C10orf67: variants seen among roughly 807,000 people sequenced by gnomAD.
The protein encoded by C10orf67 is uncharacterized protein C10orf67, mitochondrial.
A neutral mutation model predicts 35.6 loss-of-function variants in C10orf67; 60 were observed. That is an observed-to-expected ratio of 1.68 (90% confidence interval 1.37 to 2.09). C10orf67 has a LOEUF of 2.09. Among genes scored for constraint, C10orf67 ranks in the 30% most tolerant of loss-of-function variants. The pLI is 0.00. For synonymous variants in C10orf67, 167 were observed against 115.8 expected (o/e 1.44, Z -2.84); for missense variants, 474 against 330.2 (o/e 1.44, Z -3.38).
chr10:23,259,548 A>G (rs1335173092), intron 10 of C10orf67, among the ~76,000 whole-genome samples: 1 of 152,182 alleles, frequency 6.6e-6, no homozygotes, highest in African/African-American at 2.4e-5. Flanking sequence ...TATCGTTGGG[A>G]GACAAAGCAA....
chr10:23,241,480 A>T (rs1842174841), intron 12 of C10orf67, among the ~76,000 whole-genome samples: 1 of 152,170 alleles, frequency 6.6e-6, no homozygotes, highest in Non-Finnish European at 1.5e-5. Flanking sequence ...AGGCATGATT[A>T]TTTGGGGGCC....
intron 2 of C10orf67, among the ~76,000 whole-genome samples, chr10:23,329,988 A>T (rs1031246089): frequency 6.6e-6 from 1 of 152,200 alleles, no homozygotes; most frequent in Non-Finnish European, 1.5e-5. Flanking sequence ...ATTTTACCAC[A>T]TCATCAGATA....
Position 23,320,799 on chromosome 10 carries a change from C to A in C10orf67, c.488G>T (p.Arg163Ile). ...KHYQQNEDKM[R>I]KSFNQQLADA... ...AGCTAACTGCTGATTGAAGGATTTT[C>A]TCATCTTATCCTCATTCTGCAAACA... is the stretch of plus-strand genomic sequence containing the variant. The change falls in exon 4 of 16, where the codon AGA becomes ATA. Residue 163 changes from arginine to isoleucine, a missense_variant. Physicochemically the swap from Arg to Ile is moderately conservative, Grantham distance 97. Coordinates refer to ENST00000636213, the MANE Select transcript of C10orf67 (RefSeq NM_001371909.1). The A allele has an allele frequency of 6.3e-7, 1 of 1,583,728 alleles. No homozygotes were observed. Among genetic ancestry groups the A allele is most frequent in the South Asian group, 1.2e-5 (1 of 86,110 alleles).
intron 1 of C10orf67, chr10:23,344,201 G>T: frequency 4.7e-6 from 1 of 213,960 alleles, no homozygotes; most frequent in East Asian, 1.2e-4. Flanking sequence ...GGGAGGAGGG[G>T]GATAGGGAGA....
intron 13 of C10orf67, among the ~76,000 whole-genome samples, chr10:23,238,238 C>T (rs146142349): frequency 5.3e-5 from 8 of 152,246 alleles, no homozygotes; most frequent in Non-Finnish European, 8.8e-5. Context: ...AGAGAGGGAA[C>T]CAAGGGACAG....
At chr10:23,258,216 G>T in intron 10 of C10orf67, 1 of 162,004 alleles carries the variant, frequency 6.2e-6, no homozygotes. Context: ...GTGTGATGAT[G>T]CCATCCCACA....
Position 23,292,158 on chromosome 10 carries a change from C to CTTT in C10orf67, c.703-882_703-880dup, listed in dbSNP as rs542812504. 2.0e-3 allele frequency among the ~76,000 whole-genome samples: 136 copies of CTTT among 69,200 alleles called. 6 individuals are homozygous for CTTT. Among genetic ancestry groups the CTTT allele is most frequent in the African/African-American group, 5.6e-3 (79 of 14,116 alleles). The allele number at this position is 69,200 out of a possible 152,430, so 45.4% of individuals were successfully genotyped here. ...AGACGCGCTTATTGGGACAGCTACT[C>CTTT]TTTTTTTTTTTTTTTTTTTTGCCTT... On this transcript the variant is annotated intron_variant, in intron 5 of 15. Coordinates refer to ENST00000636213, the MANE Select transcript of C10orf67 (RefSeq NM_001371909.1).
At chr10:23,241,249 G>T (rs2132140373) in intron 12 of C10orf67, among the ~76,000 whole-genome samples, 1 of 152,292 alleles carries the variant, frequency 6.6e-6, no homozygotes. Flanking sequence ...TATTGTATTT[G>T]GGAGCAAGTA....
chr10:23,284,490 C>T (rs553768160), intron 7 of C10orf67, among the ~76,000 whole-genome samples: 72 of 150,998 alleles, frequency 4.8e-4, no homozygotes, highest in African/African-American at 1.8e-3. Context: ...CGAGACCAGC[C>T]TGAGCAACAT....
chr10:23,260,871 T>A (rs1842729566), intron 10 of C10orf67, among the ~76,000 whole-genome samples: 1 of 152,252 alleles, frequency 6.6e-6, no homozygotes, highest in Non-Finnish European at 1.5e-5. Context: ...AACCTTCATA[T>A]TGAAATCTTT....
intron 5 of C10orf67, among the ~76,000 whole-genome samples, chr10:23,295,716 G>C (rs1462455646): frequency 2.0e-5 from 3 of 152,144 alleles, no homozygotes; most frequent in Non-Finnish European, 4.4e-5. Context: ...ACAGTTTTTA[G>C]TCTTTTCTAT....
intron 10 of C10orf67, among the ~76,000 whole-genome samples, chr10:23,254,183 G>T (rs1306194605): frequency 6.6e-6 from 1 of 152,182 alleles, no homozygotes; most frequent in Non-Finnish European, 1.5e-5. Flanking sequence ...TAATTGTAAA[G>T]ATAATAACAT....
At chr10:23,291,099 A>G in intron 6 of C10orf67, 33 bp downstream of exon 6, 1 of 693,480 alleles carries the variant, frequency 1.4e-6, no homozygotes, top group Non-Finnish European at 2.7e-6. Context: ...ACCAATATAC[A>G]GATTTTTCTC....
chr10:23,343,359 G>A (rs7092292), intron 1 of C10orf67, among the ~76,000 whole-genome samples: 86,530 of 151,952 alleles, frequency 0.57, 25,845 homozygotes, highest in East Asian at 0.85. Flanking sequence ...GCACCATGTG[G>A]AGACACAGCC....
intron 15 of C10orf67, 143 bp downstream of exon 15, chr10:23,223,455 C>T (rs1472896301): frequency 6.2e-6 from 4 of 645,386 alleles, no homozygotes; most frequent in Non-Finnish European, 8.4e-6. Flanking sequence ...TTTATCTGTG[C>T]AATAATTTTA....
In C10orf67 at chr10:23,205,783, A is replaced by T. The variant is rs146179576; in HGVS notation, c.1571-1528T>A. 2.9e-3 allele frequency among the ~76,000 whole-genome samples: 442 copies of T among 152,314 alleles called. 3 individuals carry two copies. The highest frequency in any genetic ancestry group is 9.9e-3 in the African/African-American group (412 of 41,578). On this transcript the variant is annotated intron_variant, in intron 15 of 15. Coordinates refer to ENST00000636213, the MANE Select transcript of C10orf67 (RefSeq NM_001371909.1). ...GAATAACTCAGAAACATTGCTTTTT[A>T]AAAAATTTTAACACTAAAACCAAAA...
intron 2 of C10orf67, among the ~76,000 whole-genome samples, chr10:23,325,294 T>C (rs1845141274): frequency 6.6e-6 from 1 of 151,944 alleles, no homozygotes. Context: ...GCTATGACTG[T>C]GCTACTGCAT....
At chr10:23,259,717 G>T (rs1842696762) in intron 10 of C10orf67, among the ~76,000 whole-genome samples, 1 of 152,090 alleles carries the variant, frequency 6.6e-6, no homozygotes, top group South Asian at 2.1e-4. Context: ...GGTGGAAAAT[G>T]TAAAAAAGAA....
At chr10:23,334,756 C>G (rs1845609519) in intron 1 of C10orf67, among the ~76,000 whole-genome samples, 1 of 152,204 alleles carries the variant, frequency 6.6e-6, no homozygotes, top group African/African-American at 2.4e-5. Context: ...TTTTAGACTC[C>G]TACAAAGGGG....
Sources: gnomAD v4.1 joint callset for allele counts (sites outside exome capture counted in the v4.1 genomes callset) on GRCh38, gnomAD v4.1.1 for gene constraint, MANE v1.5 for transcripts, NCBI Gene and HGNC (gene_info 2026-07-23, HGNC 2026-07-21) for gene names.